Variants in MYCBP2 observed in about 807,000 individuals in gnomAD.
MYCBP2 encodes E3 ubiquitin-protein ligase MYCBP2.
In MYCBP2, 120 loss-of-function variants were observed where a neutral mutation model predicts 525.3. The observed-to-expected ratio is 0.23, with a 90% CI of 0.20 to 0.27. The LOEUF is 0.27. Among genes scored for constraint, MYCBP2 ranks in the 10% least tolerant of loss-of-function variants. MYCBP2 has a pLI of 1.00. For synonymous variants in MYCBP2, 1,894 were observed against 1,955.8 expected, an observed-to-expected ratio of 0.97 and a Z score of 0.83; for missense variants, 4,149 against 5,657.1, an observed-to-expected ratio of 0.73 and a Z score of 8.55.
chr13:77,112,940 G>C (rs898256814), intron 55 of MYCBP2, among the ~76,000 whole-genome samples: 2 of 151,824 alleles, frequency 1.3e-5, no homozygotes, highest in Admixed American at 1.3e-4. Flanking sequence ...ATCAAATCTT[G>C]ACACACTTCT....
chr13:77,178,464 T>C (rs1048895472), intron 34 of MYCBP2, among the ~76,000 whole-genome samples: 2 of 152,236 alleles, frequency 1.3e-5, no homozygotes, highest in African/African-American at 2.4e-5. Context: ...AAATGGTCTA[T>C]ACCCTAAGAT....
intron 65 of MYCBP2, chr13:77,080,526 T>A (rs1052080824): frequency 2.6e-5 from 4 of 152,192 alleles, no homozygotes; most frequent in Non-Finnish European, 4.4e-5. Flanking sequence ...GTGCCTTTTA[T>A]AAAAGAATAT....
At chr13:77,233,056 G>T in intron 18 of MYCBP2, 100 bp downstream of exon 18, 1 of 988,136 alleles carries the variant, frequency 1.0e-6, no homozygotes, top group Non-Finnish European at 1.6e-6. Context: ...TAGAAGCAAA[G>T]TAGAAGAATC....
rs150173396 is a variant in MYCBP2 at position 77,182,568 on chromosome 13, C to A, written c.4720-646G>T. Among the ~76,000 whole-genome samples, 3 of 152,312 alleles carry A rather than the reference C, an allele frequency of 2.0e-5. No individual in the cohort carries two copies. In the East Asian group the frequency reaches 5.8e-4, roughly 29 times the overall value. Reference sequence around the variant, plus strand: ...TATGTTAAACCAACATTTGCTAAATCTAGCCTGTTCTGTAGCAAAGAAGAA... The same window carrying A: ...TATGTTAAACCAACATTTGCTAAATATAGCCTGTTCTGTAGCAAAGAAGAA... On this transcript the variant is annotated intron_variant, in intron 32 of 82. Coordinates refer to ENST00000544440, the MANE Select transcript of MYCBP2 (RefSeq NM_015057.5).
chr13:77,119,495 A>C (rs929981607), intron 55 of MYCBP2, among the ~76,000 whole-genome samples: 5 of 152,166 alleles, frequency 3.3e-5, no homozygotes, highest in Admixed American at 1.3e-4. Context: ...TGTAGATTAT[A>C]GGAAAAAATT....
chr13:77,084,966 C>T (rs1163876002), intron 62 of MYCBP2, among the ~76,000 whole-genome samples: 1 of 151,886 alleles, frequency 6.6e-6, no homozygotes, highest in African/African-American at 2.4e-5. Context: ...TGGGGCTTAC[C>T]TCATGCCCTT....
intron 29 of MYCBP2, among the ~76,000 whole-genome samples, chr13:77,189,949 T>C (rs989929640): frequency 5.9e-5 from 9 of 152,112 alleles, no homozygotes; most frequent in African/African-American, 1.9e-4. Flanking sequence ...TTTTACAACA[T>C]TTGAAATTAG....
intron 20 of MYCBP2, among the ~76,000 whole-genome samples, chr13:77,221,519 A>G (rs907786331): frequency 2.0e-5 from 3 of 152,176 alleles, no homozygotes. Context: ...TAACATGGCC[A>G]TGCTTTTCAC....
At chr13:77,145,300 G>A (rs1282638283) in intron 48 of MYCBP2, among the ~76,000 whole-genome samples, 1 of 152,072 alleles carries the variant, frequency 6.6e-6, no homozygotes, top group African/African-American at 2.4e-5. Flanking sequence ...TTCCTATCTT[G>A]AAATACTTCC....
At chr13:77,072,312 A>T (rs2041492486) in intron 68 of MYCBP2, among the ~76,000 whole-genome samples, 1 of 54,176 alleles carries the variant, frequency 1.8e-5, no homozygotes, top group South Asian at 3.3e-4. Context: ...AAAAAAAAAA[A>T]AAAAAGAAAT....
intron 79 of MYCBP2, among the ~76,000 whole-genome samples, 194 bp from the exon 80 acceptor site, chr13:77,055,961 G>C (rs1204498303): frequency 6.6e-6 from 1 of 152,128 alleles, no homozygotes; most frequent in Non-Finnish European, 1.5e-5. Context: ...AGGGAAAATG[G>C]GGCAAATGGG....
chr13:77,284,657 T>G (rs1033258277), intron 3 of MYCBP2, among the ~76,000 whole-genome samples: 1 of 152,226 alleles, frequency 6.6e-6, no homozygotes, highest in Non-Finnish European at 1.5e-5. Flanking sequence ...TTTAATAAAC[T>G]GAAGAGTTCC....
intron 39 of MYCBP2, among the ~76,000 whole-genome samples, chr13:77,169,281 A>G (rs1183287408): frequency 6.6e-6 from 1 of 151,858 alleles, no homozygotes; most frequent in Non-Finnish European, 1.5e-5. Context: ...CTGTAGTCCC[A>G]GCAACTCGGG....
intron 61 of MYCBP2, among the ~76,000 whole-genome samples, chr13:77,088,503 A>G (rs935273373): frequency 1.3e-5 from 2 of 152,142 alleles, no homozygotes; most frequent in East Asian, 3.9e-4. Flanking sequence ...CCTACTCCTT[A>G]TCTTCTTTCC....
intron 20 of MYCBP2, among the ~76,000 whole-genome samples, chr13:77,221,104 T>C (rs2065486150): frequency 6.6e-6 from 1 of 152,204 alleles, no homozygotes. Flanking sequence ...GATGACTATG[T>C]AGCATCTACC....
chr13:77,267,768 A>T, intron 8 of MYCBP2, 73 bp downstream of exon 8: 3 of 1,144,148 alleles, frequency 2.6e-6, no homozygotes, highest in Non-Finnish European at 4.0e-6. Flanking sequence ...ATCATTCTTT[A>T]TGTGTCTAAA....
At chr13:77,269,374 G>A (rs1284001440) in intron 7 of MYCBP2, among the ~76,000 whole-genome samples, 1 of 152,122 alleles carries the variant, frequency 6.6e-6, no homozygotes. Flanking sequence ...GGTGGCTCAG[G>A]CCTGTAATCC....
intron 33 of MYCBP2, among the ~76,000 whole-genome samples, chr13:77,181,130 G>A (rs940185111): frequency 1.3e-5 from 2 of 151,874 alleles, no homozygotes; most frequent in Admixed American, 1.3e-4. Context: ...ACCCCTACCG[G>A]TAGAAAAATT....
intron 7 of MYCBP2, 75 bp from the exon 8 acceptor site, chr13:77,268,012 T>C (rs571521824): frequency 2.3e-6 from 2 of 856,162 alleles, no homozygotes; most frequent in East Asian, 2.5e-5. Flanking sequence ...TACAGCTCCA[T>C]ATTACAGGTT....
Sources: allele counts gnomAD v4.1 joint callset (sites outside exome capture counted in the v4.1 genomes callset), GRCh38; gene constraint gnomAD v4.1.1; transcripts MANE v1.5; gene names NCBI Gene and HGNC (gene_info 2026-07-23, HGNC 2026-07-21).